SLC35D4: variants seen among roughly 807,000 people sequenced by gnomAD.
SLC35D4 encodes the protein solute carrier family 35 member D4, also known as UDP-N-acetylglucosamine transporter SLC35D4.
At chr18:23,240,109 C>T in the SLC35D4 span, among the ~76,000 whole-genome samples, 1 of 152,082 alleles carries the variant, frequency 6.6e-6, no homozygotes, top group Admixed American at 6.5e-5. Context: ...TAAAGCAAGA[C>T]CCTGTCTCAA....
At chr18:23,398,607 G>A in the SLC35D4 span, among the ~76,000 whole-genome samples, 1 of 152,100 alleles carries the variant, frequency 6.6e-6, no homozygotes, top group African/African-American at 2.4e-5. Flanking sequence ...ATCTACTCAA[G>A]CTTATGAATC....
chr18:23,434,960 C>T, the SLC35D4 span, among the ~76,000 whole-genome samples: 2 of 151,948 alleles, frequency 1.3e-5, no homozygotes, highest in Non-Finnish European at 2.9e-5. Flanking sequence ...GAGTTCAAGA[C>T]CAGCCTGGCC....
the SLC35D4 span, among the ~76,000 whole-genome samples, chr18:23,280,444 T>C: frequency 1.1e-4 from 17 of 152,352 alleles, no homozygotes; most frequent in African/African-American, 3.1e-4. Context: ...ATCTGTCCTG[T>C]CAGAGTGGCT....
chr18:23,411,452 TAAAGAAAGAAAGAAA>T, the SLC35D4 span, among the ~76,000 whole-genome samples: 134 of 92,846 alleles, frequency 1.4e-3, 1 homozygote, highest in African/African-American at 5.2e-3. Flanking sequence ...AAAAGAAGGA[TAAAGAAAGAAAGAAA>T]AAAGAAAGAA....
the SLC35D4 span, among the ~76,000 whole-genome samples, chr18:23,409,628 G>C: frequency 6.6e-6 from 1 of 152,086 alleles, no homozygotes; most frequent in Non-Finnish European, 1.5e-5. Flanking sequence ...ATCACCTGAG[G>C]TCAGGAGTTC....
the SLC35D4 span, among the ~76,000 whole-genome samples, chr18:23,276,190 C>CT: frequency 6.6e-6 from 1 of 151,948 alleles, no homozygotes. Context: ...CGGGTTCACG[C>CT]CATTCTCCTG....
chr18:23,253,820 G>A, the SLC35D4 span: 176 of 1,614,114 alleles, frequency 1.1e-4, 2 homozygotes, highest in South Asian at 8.1e-4. Flanking sequence ...TGAAAAGCTC[G>A]CCCTCAAGGG....
chr18:23,313,126 CAAAAAAAAAA>C, the SLC35D4 span, among the ~76,000 whole-genome samples: 21 of 29,474 alleles, frequency 7.1e-4, no homozygotes, highest in South Asian at 3.0e-3. Flanking sequence ...GACTACATCT[CAAAAAAAAAA>C]AAAAAAAAAA....
At chr18:23,408,150 C>G in the SLC35D4 span, among the ~76,000 whole-genome samples, 1 of 2,782 alleles carries the variant, frequency 3.6e-4, no homozygotes, top group Non-Finnish European at 1.6e-3. Flanking sequence ...TGGCCTGAGA[C>G]ACACACACAC....
chr18:23,275,043 TGTGA>T, the SLC35D4 span, among the ~76,000 whole-genome samples: 8,156 of 45,718 alleles, frequency 0.18, 506 homozygotes, highest in East Asian at 0.41. Context: ...GTATTTTGTG[TGTGA>T]GTGTGTTTGT....
the SLC35D4 span, among the ~76,000 whole-genome samples, chr18:23,246,438 C>T: frequency 1.3e-5 from 2 of 152,134 alleles, no homozygotes; most frequent in South Asian, 4.2e-4. Flanking sequence ...GTCGCCCAGG[C>T]TGAAGTGCAG....
At chr18:23,420,130 C>A in the SLC35D4 span, among the ~76,000 whole-genome samples, 3 of 151,848 alleles carry the variant, frequency 2.0e-5, no homozygotes, top group African/African-American at 7.3e-5. Flanking sequence ...ACGGAGAAAC[C>A]CCGTCTCTAC....
At chr18:23,380,311 G>A in the SLC35D4 span, among the ~76,000 whole-genome samples, 2 of 152,036 alleles carry the variant, frequency 1.3e-5, no homozygotes, top group African/African-American at 4.8e-5. Context: ...AATGAGGGAA[G>A]CTGCCCATCA....
At chr18:23,365,796 C>T in the SLC35D4 span, 1 of 1,009,154 alleles carries the variant, frequency 9.9e-7, no homozygotes, top group Non-Finnish European at 1.5e-6. Context: ...ACTCACTCTG[C>T]CTAAATCCAG....
the SLC35D4 span, among the ~76,000 whole-genome samples, chr18:23,342,206 C>T: frequency 6.6e-6 from 1 of 152,174 alleles, no homozygotes; most frequent in African/African-American, 2.4e-5. Context: ...AGCCAAAAAA[C>T]TTCCTTTGAG....
the SLC35D4 span, among the ~76,000 whole-genome samples, chr18:23,363,056 C>T: frequency 6.6e-6 from 1 of 151,890 alleles, no homozygotes; most frequent in South Asian, 2.1e-4. Context: ...ACCAGACTGG[C>T]CAATGTGGTG....
At chr18:23,272,817 GCA>G in the SLC35D4 span, among the ~76,000 whole-genome samples, 1 of 152,282 alleles carries the variant, frequency 6.6e-6, no homozygotes, top group African/African-American at 2.4e-5. Flanking sequence ...ATTCCTCAAT[GCA>G]CAGTGTCCAC....
the SLC35D4 span, among the ~76,000 whole-genome samples, chr18:23,313,005 C>T: frequency 1.3e-5 from 2 of 151,558 alleles, no homozygotes; most frequent in African/African-American, 4.8e-5. Context: ...CGGGCGCCTG[C>T]AGTCCCAGCT....
At chr18:23,240,863 T>C in the SLC35D4 span, among the ~76,000 whole-genome samples, 3 of 151,420 alleles carry the variant, frequency 2.0e-5, no homozygotes, top group Non-Finnish European at 4.4e-5. Flanking sequence ...GCTCTCAAAG[T>C]GATGAGCTAA....
Sources: gnomAD v4.1 joint callset for allele counts (sites outside exome capture counted in the v4.1 genomes callset) on GRCh38, gnomAD v4.1.1 for gene constraint, MANE v1.5 for transcripts, NCBI Gene and HGNC (gene_info 2026-07-23, HGNC 2026-07-21) for gene names.